Variants in PLB1 observed in about 807,000 individuals in gnomAD.
PLB1 encodes the protein phospholipase B1.
A neutral mutation model predicts 227.4 loss-of-function variants in PLB1; 242 were observed. That is an observed-to-expected ratio of 1.06 (90% CI 0.96 to 1.18). The LOEUF is 1.18. Among genes scored for constraint, PLB1 ranks in the 50% most tolerant of loss-of-function variants. PLB1 has a pLI of 0.00. For synonymous variants in PLB1, 757 were observed against 682.2 expected (o/e 1.11, Z -1.71); for missense variants, 1,858 against 1,816.3 (o/e 1.02, Z -0.42).
intron 56 of PLB1, among the ~76,000 whole-genome samples, 173 bp from the exon 57 acceptor site, chr2:28,640,754 C>T (rs1558983909): frequency 6.6e-6 from 1 of 152,184 alleles, no homozygotes; most frequent in Non-Finnish European, 1.5e-5. Flanking sequence ...AAGTCAACTC[C>T]CGCTCAGCCC....
At chr2:28,529,706 C>T (rs1481077666) in intron 7 of PLB1, 22 bp from the exon 8 acceptor site, 1 of 1,613,016 alleles carries the variant, frequency 6.2e-7, no homozygotes, top group Admixed American at 1.7e-5. Context: ...CAATTTTTCT[C>T]TGTTTCCCTC....
rs148245769 is a variant in PLB1 at position 28,598,712 on chromosome 2, A to T, written c.2426A>T (p.Asn809Ile). 5.0e-6 allele frequency: 8 copies of T among 1,614,118 alleles called. No individual in the cohort carries two copies. In the East Asian group the frequency reaches 1.6e-4, roughly 31 times the overall value. The stretch of plus-strand genomic sequence containing the variant: ...TACGCCGTGGGCACGGGTGATGCCA[A>T]TGACACGAATGCATTCCTCAATCAA... ...TGYAVGTGDA[N>I]DTNAFLNQAV... is the part of the protein sequence containing the mutation. The change falls in exon 35 of 58, where the codon AAT becomes ATT. Residue 809 changes from asparagine (N) to isoleucine (I), a missense_variant. Physicochemically the swap from Asn to Ile is moderately radical, Grantham distance 149. Coordinates refer to ENST00000327757, the MANE Select transcript of PLB1 (RefSeq NM_153021.5).
Position 28,541,779 on chromosome 2 carries a change from T to G in PLB1, c.847T>G (p.Phe283Val). 6.2e-7 allele frequency: 1 copy of G among 1,613,850 alleles called. No homozygotes were observed. Among genetic ancestry groups the G allele is most frequent in the Non-Finnish European group, 8.5e-7 (1 of 1,179,916 alleles). ...QESFTVVFQP[F>V]FYETTPSLHS... ...GTCCTTCACCGTGGTTTTCCAGCCTTTCTTCTATGAGACCACCCCATCTCT... is the reference window on the plus strand; with the variant it reads ...GTCCTTCACCGTGGTTTTCCAGCCTGTCTTCTATGAGACCACCCCATCTCT... The change falls in exon 13 of 58, where the codon TTC (phenylalanine) becomes GTC (valine). Residue 283 changes from phenylalanine (F) to valine (V), a missense_variant. Physicochemically the swap from Phe to Val is conservative, Grantham distance 50. Coordinates refer to ENST00000327757, the MANE Select transcript of PLB1 (RefSeq NM_153021.5).
At chr2:28,501,018 A>AT (rs1208601354) in intron 1 of PLB1, among the ~76,000 whole-genome samples, 4 of 152,220 alleles carry the variant, frequency 2.6e-5, no homozygotes, top group African/African-American at 9.7e-5. Context: ...GGGGAGTGTT[A>AT]TTTAGAAACC....
chr2:28,585,925 G>A, intron 26 of PLB1, 83 bp downstream of exon 26: 1 of 1,315,944 alleles, frequency 7.6e-7, no homozygotes, highest in Non-Finnish European at 1.1e-6. Context: ...CAGTGCTTAG[G>A]TAATTTTGAC....
In PLB1 at chr2:28,608,935, A is replaced by C. The variant is rs1399079110; in HGVS notation, c.3129+2368A>C. On this transcript the variant is annotated intron_variant, in intron 43 of 57. Coordinates refer to ENST00000327757, the MANE Select transcript of PLB1 (RefSeq NM_153021.5). ...CTTTCCTTTTTCACTCACTTTTTGA[A>C]ACAGGGTCTTGCTCCGTCTCCCAGG... Among the ~76,000 whole-genome samples, 5 of 152,052 alleles carry C rather than the reference A, an allele frequency of 3.3e-5. No homozygotes were observed. The East Asian group carries it at 9.7e-4, about 29-fold the overall frequency.
intron 56 of PLB1, among the ~76,000 whole-genome samples, chr2:28,638,911 A>G (rs887604601): frequency 6.6e-6 from 1 of 151,878 alleles, no homozygotes; most frequent in Non-Finnish European, 1.5e-5. Context: ...GAAAATACAA[A>G]AATTATCCAG....
chr2:28,534,243 A>G (rs779375865), intron 9 of PLB1, among the ~76,000 whole-genome samples: 1 of 152,178 alleles, frequency 6.6e-6, no homozygotes, highest in Non-Finnish European at 1.5e-5. Flanking sequence ...ATGGCCATGT[A>G]GGTATTTCTA....
At position 28,632,981 on chromosome 2, in the gene PLB1, G is replaced by A. The variant is rs1688847647; in HGVS notation, c.4040G>A (p.Cys1347Tyr). ...DTDLTFFSED[C>Y]FHFSDRGHAE... ...GACCTCACCTTCTTCTCCGAGGACTGTTTTCACTTCTCAGACCGCGGGCAT... is the reference window on the plus strand; with the variant it reads ...GACCTCACCTTCTTCTCCGAGGACTATTTTCACTTCTCAGACCGCGGGCAT... Residue 1347 changes from cysteine (C) to tyrosine (Y), a missense_variant, in exon 56 of 58, where the codon TGT (cysteine) becomes TAT (tyrosine). Cys to Tyr is a radical substitution (Grantham distance 194). Coordinates refer to ENST00000327757, the MANE Select transcript of PLB1 (RefSeq NM_153021.5). 2.5e-6 allele frequency: 4 copies of A among 1,606,802 alleles called. No individual in the cohort carries two copies. Among genetic ancestry groups the A allele is most frequent in the Non-Finnish European group, 3.4e-6 (4 of 1,179,914 alleles).
intron 3 of PLB1, among the ~76,000 whole-genome samples, chr2:28,519,500 G>T (rs1381685075): frequency 6.6e-6 from 1 of 152,232 alleles, no homozygotes; most frequent in Admixed American, 6.5e-5. Context: ...GGCTCCCAGA[G>T]GGGAGCGGGT....
intron 1 of PLB1, among the ~76,000 whole-genome samples, chr2:28,497,722 ATT>A (rs112520210): frequency 2.1e-5 from 3 of 140,926 alleles, no homozygotes; most frequent in African/African-American, 5.2e-5. Flanking sequence ...TATATTCTCT[ATT>A]TTTTTTTTTT....
chr2:28,545,393 C>G (rs1340366040), intron 14 of PLB1, among the ~76,000 whole-genome samples: 1 of 152,212 alleles, frequency 6.6e-6, no homozygotes, highest in South Asian at 2.1e-4. Flanking sequence ...TCCCACAGTT[C>G]CCGGATCGAG....
chr2:28,602,833 C>T lies in PLB1; in HGVS notation c.2686C>T (p.Leu896=), dbSNP rs1053261580. Reference sequence around the variant, plus strand: ...GCTTTTCCCTTAGGTGCCCAGAGTCCTGGTCAACCTCGTGGACTTCCTGAA... The same window carrying T: ...GCTTTTCCCTTAGGTGCCCAGAGTCTTGGTCAACCTCGTGGACTTCCTGAA... ...DVLHREVPRV[L]VNLVDFLNPT... The change falls in exon 39 of 58, where the codon CTG becomes TTG. Residue 896 remains leucine (L), a synonymous_variant. Transcript: ENST00000327757. 9 of 1,614,108 alleles carry T rather than the reference C, an allele frequency of 5.6e-6. No homozygotes were observed. The highest frequency in any genetic ancestry group is 6.8e-6 in the Non-Finnish European group (8 of 1,179,988).
At chr2:28,584,716 T>C (rs1348596533) in intron 25 of PLB1, among the ~76,000 whole-genome samples, 2 of 152,216 alleles carry the variant, frequency 1.3e-5, no homozygotes, top group Non-Finnish European at 2.9e-5. Context: ...GGCTGTGCTT[T>C]CCTCTGCAGT....
intron 18 of PLB1, among the ~76,000 whole-genome samples, chr2:28,564,228 C>G (rs1315480695): frequency 1.3e-5 from 2 of 152,170 alleles, no homozygotes; most frequent in Non-Finnish European, 2.9e-5. Context: ...GACAACAGAG[C>G]AAGGCCCTGT....
At chr2:28,620,229 TA>T in intron 46 of PLB1, 35 bp from the exon 47 acceptor site, 2 of 1,514,602 alleles carry the variant, frequency 1.3e-6, no homozygotes, top group Non-Finnish European at 1.8e-6. Context: ...CCTCAGCCTA[TA>T]CCCCAGCCCT....
intron 14 of PLB1, among the ~76,000 whole-genome samples, chr2:28,544,242 G>A (rs953408363): frequency 4.6e-5 from 7 of 152,218 alleles, no homozygotes; most frequent in African/African-American, 1.7e-4. Flanking sequence ...GAACAGGGAC[G>A]TCTCTCAGTG....
intron 16 of PLB1, among the ~76,000 whole-genome samples, chr2:28,551,866 C>T (rs139032714): frequency 2.0e-4 from 30 of 152,316 alleles, no homozygotes; most frequent in South Asian, 4.1e-4. Flanking sequence ...TGCAGTGATA[C>T]ATTTCTTCAG....
chr2:28,516,135 C>T (rs180822312), intron 1 of PLB1, among the ~76,000 whole-genome samples: 3 of 151,958 alleles, frequency 2.0e-5, no homozygotes, highest in Non-Finnish European at 2.9e-5. Context: ...AACTTATCTA[C>T]GTGTACACTT....
Sources: gnomAD v4.1 joint callset for allele counts (sites outside exome capture counted in the v4.1 genomes callset) on GRCh38, gnomAD v4.1.1 for gene constraint, MANE v1.5 for transcripts, NCBI Gene and HGNC (gene_info 2026-07-23, HGNC 2026-07-21) for gene names.